NREP: variants seen among roughly 807,000 people sequenced by gnomAD.
NREP encodes the protein neuronal regeneration related protein, also known as neuronal regeneration-related protein.
NREP carries 5 observed loss-of-function variants against 8.6 expected under a neutral mutation model. The observed-to-expected ratio is 0.58, with a 90% CI of 0.30 to 1.22. The LOEUF is 1.22. Among genes scored for constraint, NREP ranks in the 50% most tolerant of loss-of-function variants. The pLI, the probability that NREP is intolerant of heterozygous loss-of-function variation, is 0.07. For missense variants in NREP, 86 were observed against 82.5 expected (o/e 1.04, Z -0.17); for synonymous variants, 27 against 28.0 (o/e 0.96, Z 0.11).
intron 2 of NREP, among the ~76,000 whole-genome samples, chr5:111,859,709 C>T (rs1005722265): frequency 2.0e-5 from 3 of 152,084 alleles, no homozygotes; most frequent in Non-Finnish European, 4.4e-5. Context: ...ATGCTGAAAA[C>T]AGAATGGTTC....
intron 2 of NREP, among the ~76,000 whole-genome samples, chr5:111,737,529 T>A (rs973675872): frequency 2.0e-5 from 3 of 152,104 alleles, no homozygotes; most frequent in Non-Finnish European, 2.9e-5. Context: ...GTAAGTATTG[T>A]CATTCTTGCG....
upstream of NREP, chr5:111,758,155 G>A (rs551033887): frequency 2.0e-6 from 2 of 985,586 alleles, no homozygotes; most frequent in South Asian, 4.7e-5. Flanking sequence ...ACTCCCTTCC[G>A]CGGGGAAGCC....
At chr5:111,848,651 C>G (rs374079286) in intron 2 of NREP, among the ~76,000 whole-genome samples, 8 of 148,736 alleles carry the variant, frequency 5.4e-5, no homozygotes, top group African/African-American at 1.7e-4. Context: ...TTCCCCCCAA[C>G]CCCCCCATCC....
chr5:111,871,087 T>TGTGC (rs1462429385), intron 2 of NREP, among the ~76,000 whole-genome samples: 3 of 151,054 alleles, frequency 2.0e-5, no homozygotes, highest in Admixed American at 1.3e-4. Context: ...TGTGTGTGTG[T>TGTGC]GTAGTCATGC....
chr5:111,963,280 G>A (rs961355650), intron 2 of NREP, among the ~76,000 whole-genome samples: 1 of 152,216 alleles, frequency 6.6e-6, no homozygotes, highest in Non-Finnish European at 1.5e-5. Context: ...CACACAAGAG[G>A]TTGAGCGTGG....
intron 2 of NREP, among the ~76,000 whole-genome samples, chr5:111,863,179 G>A (rs753269940): frequency 2.6e-5 from 4 of 152,058 alleles, no homozygotes; most frequent in Non-Finnish European, 5.9e-5. Flanking sequence ...TGGTAGTAGA[G>A]AGAGAGAAAC....
chr5:111,813,627 GATGAT>G (rs932329059), intron 2 of NREP, among the ~76,000 whole-genome samples: 2 of 151,962 alleles, frequency 1.3e-5, no homozygotes, highest in Admixed American at 6.6e-5. Context: ...GTACTTTATA[GATGAT>G]CATGTTAAGT....
chr5:111,877,572 T>A (rs1753940656), intron 2 of NREP, among the ~76,000 whole-genome samples: 1 of 152,194 alleles, frequency 6.6e-6, no homozygotes, highest in African/African-American at 2.4e-5. Context: ...GAAACCAGCA[T>A]GAACTGGGCA....
intron 2 of NREP, among the ~76,000 whole-genome samples, chr5:111,855,959 T>A (rs1382811459): frequency 6.6e-6 from 1 of 152,220 alleles, no homozygotes; most frequent in Non-Finnish European, 1.5e-5. Context: ...TTTTCTTTGA[T>A]GTTACTAGAG....
At chr5:111,870,369 G>A (rs866072853) in intron 2 of NREP, among the ~76,000 whole-genome samples, 5 of 152,204 alleles carry the variant, frequency 3.3e-5, no homozygotes, top group African/African-American at 1.2e-4. Flanking sequence ...GACAGAGATT[G>A]CAGTAAGCCA....
At chr5:111,890,945 T>G (rs1754380652) in intron 2 of NREP, among the ~76,000 whole-genome samples, 1 of 152,218 alleles carries the variant, frequency 6.6e-6, no homozygotes, top group South Asian at 2.1e-4. Flanking sequence ...ATTATGCAAA[T>G]TTCTCTAGCA....
intron 2 of NREP, among the ~76,000 whole-genome samples, chr5:111,892,416 A>G (rs761949217): frequency 3.9e-5 from 6 of 152,230 alleles, no homozygotes; most frequent in Non-Finnish European, 8.8e-5. Context: ...GAATGTACTA[A>G]AAGAGAGTCA....
At chr5:111,897,451 G>A (rs1272262693) in intron 2 of NREP, among the ~76,000 whole-genome samples, 1 of 152,090 alleles carries the variant, frequency 6.6e-6, no homozygotes, top group African/African-American at 2.4e-5. Flanking sequence ...CTCAACCCAG[G>A]CATATTTCCT....
At chr5:111,887,350 C>T (rs1230458279) in intron 2 of NREP, among the ~76,000 whole-genome samples, 1 of 152,132 alleles carries the variant, frequency 6.6e-6, no homozygotes, top group Admixed American at 6.6e-5. Flanking sequence ...GTTGGGTAAG[C>T]GTATTTCCAG....
chr5:111,755,853 G>A, intron 1 of NREP, 23 bp from the exon 2 acceptor site: 2 of 1,612,640 alleles, frequency 1.2e-6, no homozygotes, highest in South Asian at 1.1e-5. Context: ...TTTAAATACA[G>A]TAGACACATC....
chr5:111,954,321 A>C (rs1327012358), intron 2 of NREP, among the ~76,000 whole-genome samples: 1 of 152,142 alleles, frequency 6.6e-6, no homozygotes, highest in Non-Finnish European at 1.5e-5. Context: ...GTTAGAAAAA[A>C]AAGAGAAATT....
At chr5:111,909,909 T>C (rs1427911210) in intron 2 of NREP, among the ~76,000 whole-genome samples, 1 of 152,104 alleles carries the variant, frequency 6.6e-6, no homozygotes, top group East Asian at 1.9e-4. Flanking sequence ...ATTCTAACTA[T>C]TAAATGCTTC....
chr5:111,769,622 T>C (rs1193302416), intron 2 of NREP, among the ~76,000 whole-genome samples: 1 of 152,188 alleles, frequency 6.6e-6, no homozygotes, highest in Non-Finnish European at 1.5e-5. Context: ...ACAGGTTTAA[T>C]TGGCAAACAG....
chr5:111,865,716 A>C (rs1753649099), intron 2 of NREP, among the ~76,000 whole-genome samples: 1 of 152,152 alleles, frequency 6.6e-6, no homozygotes, highest in South Asian at 2.1e-4. Flanking sequence ...ATCCCAGTTG[A>C]TATGGGTAAA....
Sources: allele counts gnomAD v4.1 joint callset (sites outside exome capture counted in the v4.1 genomes callset), GRCh38; gene constraint gnomAD v4.1.1; transcripts MANE v1.5; gene names NCBI Gene and HGNC (gene_info 2026-07-23, HGNC 2026-07-21).